Variants in PDGFD observed in about 807,000 individuals in gnomAD.
PDGFD encodes the protein platelet derived growth factor D, also known as platelet-derived growth factor D.
Under a neutral mutation model 44.7 loss-of-function variants are expected in PDGFD, and 30 were observed. The ratio of observed to expected loss-of-function variants is 0.67; its 90% CI spans 0.50 to 0.91. The LOEUF (loss-of-function observed/expected upper bound fraction) is 0.91, where lower values mean the gene tolerates loss of function less well. Among genes scored for constraint, PDGFD ranks in the 40% least tolerant of loss-of-function variants. PDGFD has a pLI of 0.00. For missense variants in PDGFD, 445 were observed against 457.8 expected (o/e 0.97, Z 0.25); for synonymous variants, 173 against 168.4 (o/e 1.03, Z -0.21).
intron 1 of PDGFD, among the ~76,000 whole-genome samples, chr11:104,129,284 T>A (rs552059928): frequency 9.9e-5 from 15 of 152,096 alleles, no homozygotes; most frequent in Non-Finnish European, 1.9e-4. Flanking sequence ...TAGCACTGTG[T>A]GGCAGCTATT....
At chr11:104,122,258 T>C (rs1267182905) in intron 1 of PDGFD, among the ~76,000 whole-genome samples, 2 of 151,882 alleles carry the variant, frequency 1.3e-5, no homozygotes, top group Non-Finnish European at 2.9e-5. Flanking sequence ...GCTCCATTTT[T>C]CCTCTTTTTT....
At chr11:104,151,942 AT>A (rs1356216488) in intron 1 of PDGFD, among the ~76,000 whole-genome samples, 4 of 152,056 alleles carry the variant, frequency 2.6e-5, no homozygotes, top group African/African-American at 9.7e-5. Context: ...AAAAAAAAAA[AT>A]CCCAGGTCAC....
chr11:104,045,865 G>A lies in PDGFD; in HGVS notation c.125-45610C>T, dbSNP rs1024559587. Among the ~76,000 whole-genome samples the A allele has an allele frequency of 6.1e-5, 9 of 147,090 alleles. 1 individual carries two copies. Among genetic ancestry groups the A allele is most frequent in the African/African-American group, 2.2e-4 (9 of 40,418 alleles). On this transcript the variant is annotated intron_variant, in intron 1 of 6. Coordinates refer to ENST00000393158, the MANE Select transcript of PDGFD (RefSeq NM_025208.5). ...GTTTTTGATAAAGAAATGTGCTTAC[G>A]AACAGGACAAGATGCCTAGAAAAAG...
At chr11:103,955,216 T>C (rs1219269015) in intron 3 of PDGFD, among the ~76,000 whole-genome samples, 1 of 111,872 alleles carries the variant, frequency 8.9e-6, no homozygotes, top group Non-Finnish European at 1.9e-5. Flanking sequence ...AAAACAGTAA[T>C]GAACAAACAC....
intron 1 of PDGFD, among the ~76,000 whole-genome samples, chr11:104,146,940 TA>T (rs1206187236): frequency 6.9e-6 from 1 of 143,944 alleles, no homozygotes; most frequent in Non-Finnish European, 1.5e-5. Context: ...CAAATGAAAA[TA>T]AATGATATAA....
intron 3 of PDGFD, among the ~76,000 whole-genome samples, chr11:103,983,760 T>C (rs1250242810): frequency 6.6e-6 from 1 of 151,674 alleles, no homozygotes; most frequent in Non-Finnish European, 1.5e-5. Context: ...GCAAAGGACG[T>C]GAACAGACAC....
At chr11:104,008,608 C>T (rs1859737887) in intron 1 of PDGFD, among the ~76,000 whole-genome samples, 2 of 152,064 alleles carry the variant, frequency 1.3e-5, no homozygotes, top group Non-Finnish European at 2.9e-5. Context: ...CTATCTTTTG[C>T]TCCCTTTAAA....
At chr11:104,120,742 T>C (rs1306501424) in intron 1 of PDGFD, among the ~76,000 whole-genome samples, 2 of 151,960 alleles carry the variant, frequency 1.3e-5, no homozygotes, top group Admixed American at 6.6e-5. Flanking sequence ...ATGGTACTTC[T>C]GAACTCCTTA....
At chr11:103,924,285 T>C (rs1488761554) in intron 6 of PDGFD, among the ~76,000 whole-genome samples, 6 of 152,366 alleles carry the variant, frequency 3.9e-5, no homozygotes, top group Non-Finnish European at 7.3e-5. Context: ...AGAGACCTTG[T>C]CACTTCCTAG....
At chr11:103,973,099 A>G (rs1859125805) in intron 3 of PDGFD, among the ~76,000 whole-genome samples, 1 of 152,090 alleles carries the variant, frequency 6.6e-6, no homozygotes, top group Non-Finnish European at 1.5e-5. Flanking sequence ...TGCATAGTAT[A>G]AGAAGGCATT....
At chr11:104,025,915 T>C (rs749054889) in intron 1 of PDGFD, among the ~76,000 whole-genome samples, 4 of 152,188 alleles carry the variant, frequency 2.6e-5, no homozygotes, top group Admixed American at 2.0e-4. Flanking sequence ...TGACCTTTTC[T>C]CTTGTGCACC....
intron 1 of PDGFD, among the ~76,000 whole-genome samples, chr11:104,032,203 AT>A (rs1345067392): frequency 6.6e-6 from 1 of 152,180 alleles, no homozygotes; most frequent in African/African-American, 2.4e-5. Context: ...AACAAAAATA[AT>A]GAATAAATAA....
intron 3 of PDGFD, among the ~76,000 whole-genome samples, chr11:103,961,588 CAAAG>C (rs1162821498): frequency 3.9e-5 from 6 of 152,102 alleles, no homozygotes; most frequent in African/African-American, 9.7e-5. Flanking sequence ...ATTAGACTGA[CAAAG>C]AAGGTACAAG....
intron 1 of PDGFD, chr11:104,036,686 T>C (rs1046331600): frequency 3.1e-5 from 22 of 705,018 alleles, no homozygotes; most frequent in Non-Finnish European, 5.4e-5. Flanking sequence ...TCCGCGCCTC[T>C]CTGAGAGGTG....
At chr11:104,099,670 A>G (rs1365257007) in intron 1 of PDGFD, among the ~76,000 whole-genome samples, 1 of 148,868 alleles carries the variant, frequency 6.7e-6, no homozygotes, top group Non-Finnish European at 1.5e-5. Context: ...TAATAATAAT[A>G]ATAATAAATC....
chr11:104,111,599 A>G (rs2134453138), intron 1 of PDGFD, among the ~76,000 whole-genome samples: 1 of 152,214 alleles, frequency 6.6e-6, no homozygotes, highest in African/African-American at 2.4e-5. Context: ...ACCCCATTCT[A>G]TACCATTTTA....
chr11:104,093,468 G>C (rs1479601150), intron 1 of PDGFD, among the ~76,000 whole-genome samples: 1 of 152,124 alleles, frequency 6.6e-6, no homozygotes, highest in East Asian at 1.9e-4. Context: ...AGAAAACTGA[G>C]TGGGCAAACT....
chr11:103,944,667 G>A (rs778116526), intron 4 of PDGFD, among the ~76,000 whole-genome samples: 24 of 152,096 alleles, frequency 1.6e-4, no homozygotes, highest in Non-Finnish European at 3.4e-4. Flanking sequence ...AAAATTATGT[G>A]CTATTGAGTC....
intron 1 of PDGFD, among the ~76,000 whole-genome samples, chr11:104,118,662 G>T (rs1165333427): frequency 6.9e-6 from 1 of 144,150 alleles, no homozygotes; most frequent in Non-Finnish European, 1.5e-5. Context: ...ACTTGCTATG[G>T]TATAGTATTT....
Sources: gnomAD v4.1 joint callset for allele counts (sites outside exome capture counted in the v4.1 genomes callset) on GRCh38, gnomAD v4.1.1 for gene constraint, MANE v1.5 for transcripts, NCBI Gene and HGNC (gene_info 2026-07-23, HGNC 2026-07-21) for gene names.